Variants in DST observed in about 807,000 individuals in gnomAD.
DST encodes the protein dystonin.
A neutral mutation model predicts 875.2 loss-of-function variants in DST; 253 were observed. The ratio of observed to expected loss-of-function variants is 0.29; its 90% CI spans 0.26 to 0.32. The LOEUF is 0.32. DST is among the 10% of genes least tolerant of loss of function. The pLI is 1.00. For synonymous variants in DST, 3,124 were observed against 3,197.1 expected (o/e 0.98, Z 0.77); for missense variants, 8,287 against 9,111.6 (o/e 0.91, Z 3.68).
intron 77 of DST, among the ~76,000 whole-genome samples, chr6:56,505,467 C>A (rs1372551345): frequency 3.2e-5 from 4 of 123,228 alleles, no homozygotes; most frequent in Admixed American, 8.6e-5. Context: ...TAAATTATCA[C>A]TTAGGTTACA....
At position 56,607,324 on chromosome 6, in the gene DST, A is replaced by C. The variant is rs1218138458; in HGVS notation, c.7304T>G (p.Leu2435Arg). The C allele has an allele frequency of 5.0e-6, 8 of 1,613,312 alleles. No homozygotes were observed. The highest frequency in any genetic ancestry group is 1.3e-5 in the African/African-American group (1 of 74,898). The change falls in exon 40 of 104, where the codon CTA (leucine) becomes CGA (arginine). Residue 2435 changes from leucine (L) to arginine (R), a missense_variant. Around this residue, in one of 10 missense-constraint regions of DST, gnomAD observed 3,138 missense variants for 3,116.6 expected, o/e 1.01. Coordinates refer to ENST00000680361, the MANE Select transcript of DST (RefSeq NM_001374736.1). ...DSPIFDYSPRLSALLSHDKLM... is the reference protein window; with the variant it reads ...DSPIFDYSPRRSALLSHDKLM... ...TTTATCATGACTTAACAAGGCACTT[A>C]GCCTGGGGGAATAGTCAAAGATAGG...
intron 36 of DST, chr6:56,615,998 A>T (rs1586716306): frequency 6.8e-6 from 11 of 1,614,238 alleles, no homozygotes; most frequent in Middle Eastern, 3.3e-4. Context: ...AAGAGGATCA[A>T]TTATGCCCCC....
chr6:56,557,820 G>C (rs1346132967), intron 58 of DST, among the ~76,000 whole-genome samples: 1 of 151,736 alleles, frequency 6.6e-6, no homozygotes, highest in South Asian at 2.1e-4. Context: ...GTCCTATAGA[G>C]TGTGTTATTA....
At position 56,466,061 on chromosome 6, in the gene DST, G is replaced by A; in HGVS notation, c.22687+17C>T. On this transcript the variant is annotated intron_variant, in intron 99 of 103. Coordinates refer to ENST00000680361, the MANE Select transcript of DST (RefSeq NM_001374736.1). ...TGAAATACTTTCATGATGTTATCAT[G>A]ATAAGCATCTCCTTACCCCTGCAAG... 6.4e-7 allele frequency: 1 copy of A among 1,564,404 alleles called. No individual in the cohort carries two copies. Among genetic ancestry groups the A allele is most frequent in the Non-Finnish European group, 8.8e-7 (1 of 1,139,542 alleles).
chr6:56,925,061 C>T (rs1309226770), intron 2 of DST, among the ~76,000 whole-genome samples: 1 of 152,182 alleles, frequency 6.6e-6, no homozygotes, highest in Non-Finnish European at 1.5e-5. Context: ...AGGAGGGGGA[C>T]ACTGAGTTCT....
intron 3 of DST, among the ~76,000 whole-genome samples, chr6:56,860,960 T>C (rs1442817176): frequency 6.6e-6 from 1 of 151,992 alleles, no homozygotes; most frequent in Non-Finnish European, 1.5e-5. Flanking sequence ...TCTCCATTAC[T>C]GGAGACAACA....
Position 56,640,202 on chromosome 6 carries a change from C to T in DST, c.2431G>A (p.Glu811Lys). 4 of 1,614,142 alleles carry T rather than the reference C, an allele frequency of 2.5e-6. No individual in the cohort carries two copies. The highest frequency in any genetic ancestry group is 3.4e-6 in the Non-Finnish European group (4 of 1,180,006). Residue 811 changes from glutamate to lysine, a missense_variant, in exon 18 of 104, where the codon GAA becomes AAA. Physicochemically the swap from Glu to Lys is moderately conservative, Grantham distance 56 (BLOSUM62 1). This residue lies in a region of DST where 1,160 missense variants were observed against 1,424.3 expected (regional missense o/e 0.81). Coordinates refer to ENST00000680361, the MANE Select transcript of DST (RefSeq NM_001374736.1). ...ACAAATTTCATATTGATTTCTTCTT[C>T]TGTTAAATTTTGATCCAGCAAAGAA... ...KSSLLDQNLT[E>K]EEINMKFVQD...
intron 86 of DST, 58 bp from the exon 87 acceptor site, chr6:56,487,331 G>A: frequency 2.1e-6 from 3 of 1,443,100 alleles, no homozygotes; most frequent in Middle Eastern, 1.8e-4. Context: ...AAACAGGTAA[G>A]AGGCATTAAC....
intron 10 of DST, among the ~76,000 whole-genome samples, chr6:56,669,115 G>A (rs1397966060): frequency 6.6e-6 from 1 of 151,914 alleles, no homozygotes; most frequent in Non-Finnish European, 1.5e-5. Flanking sequence ...GCATTTAAGA[G>A]AACGAGAAAG....
In DST at chr6:56,458,803, A is replaced by G; in HGVS notation, c.*202T>C. 7.4e-6 allele frequency: 4 copies of G among 540,908 alleles called. No individual in the cohort carries two copies. Among genetic ancestry groups the G allele is most frequent in the Non-Finnish European group, 1.2e-5 (4 of 325,880 alleles). The allele number at this position is 540,908 out of a possible 1,614,324, so 33.5% of individuals were successfully genotyped here. A position where few individuals can be genotyped will look rare whatever the true frequency, so the allele number is the denominator to read the frequency against. On this transcript the variant is annotated 3_prime_UTR_variant, in exon 104 of 104. Coordinates refer to ENST00000680361, the MANE Select transcript of DST (RefSeq NM_001374736.1). ...TTCATGTTAAACTTTTCCTCCTCACATATGATGTGACTTTAACCCCAGAAT... is the reference window on the plus strand; with the variant it reads ...TTCATGTTAAACTTTTCCTCCTCACGTATGATGTGACTTTAACCCCAGAAT...
At chr6:56,671,069 C>A (rs1563586923) in intron 9 of DST, among the ~76,000 whole-genome samples, 1 of 152,110 alleles carries the variant, frequency 6.6e-6, no homozygotes, top group Non-Finnish European at 1.5e-5. Context: ...TATAAATTTT[C>A]CCCATTTTAC....
intron 67 of DST, 117 bp from the exon 68 acceptor site, chr6:56,527,851 T>C: frequency 1.8e-6 from 2 of 1,081,152 alleles, no homozygotes; most frequent in Non-Finnish European, 2.5e-6. Context: ...GACATTTTTC[T>C]AAAGATAATC....
intron 47 of DST, among the ~76,000 whole-genome samples, chr6:56,596,578 G>C (rs2098390167): frequency 6.6e-6 from 1 of 152,080 alleles, no homozygotes; most frequent in Non-Finnish European, 1.5e-5. Context: ...TTCATAATAA[G>C]GTCCTATAAT....
rs375121921 is a variant in DST, at chr6:56,602,899, G to A, written c.11290C>T (p.Arg3764Cys). Residue 3764 changes from arginine to cysteine, a missense_variant, in exon 43 of 104, where the codon CGT becomes TGT. Arg to Cys is a radical substitution (Grantham distance 180). Around this residue, in one of 10 missense-constraint regions of DST, gnomAD observed 3,138 missense variants for 3,116.6 expected, o/e 1.01. Transcript: ENST00000680361. ...NVQDSEYVKK[R>C]LEFLKNVLKD... Reference sequence around the variant, plus strand: ...ATACTTGCCTTGAGAAACTCCAAACGTTTCTTTACATACTCAGAATCTTGA... The same window carrying A: ...ATACTTGCCTTGAGAAACTCCAAACATTTCTTTACATACTCAGAATCTTGA... 3.4e-5 allele frequency: 53 copies of A among 1,540,914 alleles called. No individual in the cohort carries two copies. The African/African-American group carries it at 4.3e-4, about 13-fold the overall frequency.
intron 3 of DST, among the ~76,000 whole-genome samples, chr6:56,880,845 T>C (rs1781803531): frequency 8.2e-6 from 1 of 121,638 alleles, no homozygotes; most frequent in Admixed American, 8.1e-5. Context: ...TTCTTTTTTT[T>C]TTTTTTTTTT....
chr6:56,587,602 A>C (rs369877820), intron 49 of DST, among the ~76,000 whole-genome samples: 1 of 152,168 alleles, frequency 6.6e-6, no homozygotes, highest in African/African-American at 2.4e-5. Context: ...TCCAAGACAC[A>C]TAATTGTCAG....
intron 74 of DST, among the ~76,000 whole-genome samples, chr6:56,509,029 C>T (rs2152472189): frequency 6.6e-6 from 1 of 152,288 alleles, no homozygotes; most frequent in Admixed American, 6.5e-5. Context: ...GTTTCAAGTT[C>T]ATTAAGGCTA....
intron 4 of DST, among the ~76,000 whole-genome samples, chr6:56,767,891 C>T (rs1260454816): frequency 6.6e-6 from 1 of 152,076 alleles, no homozygotes; most frequent in African/African-American, 2.4e-5. Context: ...AGCCAACAGC[C>T]ACTGCTACAG....
intron 3 of DST, among the ~76,000 whole-genome samples, chr6:56,889,281 C>T (rs1009552861): frequency 3.9e-5 from 6 of 152,186 alleles, no homozygotes; most frequent in African/African-American, 1.4e-4. Flanking sequence ...TCAAACTTCA[C>T]ATATCCAAAT....
Sources: gnomAD v4.1 joint callset for allele counts (sites outside exome capture counted in the v4.1 genomes callset) on GRCh38, gnomAD v4.1.1 for gene constraint, gnomAD v4.1.1 regional missense constraint, MANE v1.5 for transcripts, NCBI Gene and HGNC (gene_info 2026-07-23, HGNC 2026-07-21) for gene names.